DNASE1: variants seen among roughly 807,000 people sequenced by gnomAD.
DNASE1 encodes deoxyribonuclease 1.
Under a neutral mutation model 33.9 loss-of-function variants are expected in DNASE1, and 40 were observed. That is an observed-to-expected ratio of 1.18 (90% CI 0.92 to 1.54). The LOEUF (loss-of-function observed/expected upper bound fraction) is 1.54. DNASE1 is among the 40% of genes most tolerant of loss of function. The pLI, the probability that DNASE1 is intolerant of heterozygous loss-of-function variation, is 0.00. For synonymous variants in DNASE1, 216 were observed against 160.0 expected (o/e 1.35, Z -2.64); for missense variants, 518 against 372.6 (o/e 1.39, Z -3.21).
chr16:3,614,512 G>A (rs916498465), intron 1 of DNASE1, among the ~76,000 whole-genome samples: 2 of 152,182 alleles, frequency 1.3e-5, no homozygotes, highest in Non-Finnish European at 2.9e-5. Context: ...AAGTCAGGGC[G>A]GAGTAAACAT....
upstream of DNASE1, among the ~76,000 whole-genome samples, chr16:3,642,557 G>T (rs981428510): frequency 3.3e-5 from 5 of 152,070 alleles, no homozygotes; most frequent in Admixed American, 2.0e-4. Flanking sequence ...CACCTGCCAC[G>T]GCCCAGGCCC....
chr16:3,613,685 TTA>T (rs1444835076), intron 1 of DNASE1, among the ~76,000 whole-genome samples: 1 of 152,076 alleles, frequency 6.6e-6, no homozygotes, highest in Non-Finnish European at 1.5e-5. Context: ...GGACTTGAAT[TTA>T]TAGAGGAGAC....
chr16:3,633,788 A>G (rs1336670291), intron 1 of DNASE1, among the ~76,000 whole-genome samples: 1 of 151,974 alleles, frequency 6.6e-6, no homozygotes. Flanking sequence ...AATTTCACTT[A>G]TTCAAAAGCG....
At chr16:3,642,000 T>C (rs753487253), upstream of DNASE1, among the ~76,000 whole-genome samples, 1 of 152,222 alleles carries the variant, frequency 6.6e-6, no homozygotes, top group Non-Finnish European at 1.5e-5. Context: ...GGTCTGGCTA[T>C]AGCCATGGTG....
At position 3,656,973 on chromosome 16, in the gene DNASE1, C is replaced by T. The variant is rs1408560892; in HGVS notation, c.437-26C>T. ...CTGAACCTGCCCCCAGGGAGTGTGC[C>T]TCACACGACGTGGCTGTCTCCACAG... On this transcript the variant is annotated intron_variant, in intron 5 of 8. Coordinates refer to ENST00000246949, the MANE Select transcript of DNASE1 (RefSeq NM_005223.4). The T allele has an allele frequency of 3.1e-6, 5 of 1,610,188 alleles. No homozygotes were observed. The Middle Eastern group carries it at 6.6e-4, about 213-fold the overall frequency.
exon 10 of DNASE1, chr16:3,663,705 A>G (rs1567223031): frequency 1.0e-6 from 1 of 1,001,948 alleles, no homozygotes; most frequent in Admixed American, 2.7e-5. Context: ...CTAGGCCTGC[A>G]TGACAGTTAC....
intron 1 of DNASE1, among the ~76,000 whole-genome samples, chr16:3,629,999 A>G (rs1157402056): frequency 6.6e-6 from 1 of 151,522 alleles, no homozygotes; most frequent in Non-Finnish European, 1.5e-5. Flanking sequence ...TTTTTATTTT[A>G]GTGGAGATGA....
chr16:3,664,721 C>A, exon 10 of DNASE1: 2 of 436,152 alleles, frequency 4.6e-6, no homozygotes, highest in Admixed American at 8.9e-5. Context: ...ACGCGCACCA[C>A]GCCCTGGGAG....
downstream of DNASE1, chr16:3,662,202 G>A: frequency 1.3e-6 from 2 of 1,552,396 alleles, no homozygotes; most frequent in Non-Finnish European, 1.7e-6. Context: ...GATCTTACCA[G>A]GGGTGAAGGT....
chr16:3,634,552 C>A (rs1280540295), intron 1 of DNASE1, among the ~76,000 whole-genome samples: 1 of 152,008 alleles, frequency 6.6e-6, no homozygotes, highest in Non-Finnish European at 1.5e-5. Flanking sequence ...GTCTGTCGTC[C>A]AGGCTGGAAT....
intron 1 of DNASE1, among the ~76,000 whole-genome samples, chr16:3,630,241 C>T (rs903317094): frequency 1.3e-5 from 2 of 151,998 alleles, no homozygotes; most frequent in Admixed American, 6.6e-5. Flanking sequence ...AGTGCAGTTG[C>T]GTGATCACAG....
At chr16:3,658,950 T>A, downstream of DNASE1, 2 of 1,394,034 alleles carry the variant, frequency 1.4e-6, no homozygotes, top group South Asian at 2.4e-5. Flanking sequence ...TCAGGATATT[T>A]AAAGAAGCAC....
At chr16:3,663,960 G>C (rs375457960) in exon 10 of DNASE1, 13 of 347,752 alleles carry the variant, frequency 3.7e-5, no homozygotes, top group African/African-American at 6.3e-5. Context: ...CTACTCAGGA[G>C]GCTGAGGCAG....
downstream of DNASE1, chr16:3,658,273 A>T: frequency 6.8e-7 from 1 of 1,468,704 alleles, no homozygotes; most frequent in East Asian, 2.3e-5. Context: ...GGCATGGGGC[A>T]CCTTTTCATT....
intron 1 of DNASE1, among the ~76,000 whole-genome samples, chr16:3,627,715 C>T (rs1395462802): frequency 1.3e-5 from 2 of 152,048 alleles, no homozygotes; most frequent in African/African-American, 4.8e-5. Flanking sequence ...ATCATTTGAC[C>T]ATATATGCCA....
rs137906872 is a variant in DNASE1, at chr16:3,617,601, T to C, written c.-1359+5595T>C. 4.0e-3 allele frequency among the ~76,000 whole-genome samples: 610 copies of C among 152,248 alleles called. 3 individuals are homozygous for C. Among genetic ancestry groups the C allele is most frequent in the African/African-American group, 0.014 (564 of 41,522 alleles). ...TATGTCTCCCCCCACCCAATTCATA[T>C]GTGAAGGCCTCAACCGCAAGGTGAT... On this transcript the variant is annotated intron_variant and NMD_transcript_variant, in intron 1 of 11. Transcript: ENST00000570769.
chr16:3,612,601 A>G (rs916746642), intron 1 of DNASE1, among the ~76,000 whole-genome samples: 272 of 49,096 alleles, frequency 5.5e-3, no homozygotes, highest in Middle Eastern at 0.034. Context: ...CGGGGGGGGG[A>G]GTCTCACTAT....
At chr16:3,625,029 G>A (rs112326831) in intron 1 of DNASE1, among the ~76,000 whole-genome samples, 10 of 152,022 alleles carry the variant, frequency 6.6e-5, no homozygotes, top group African/African-American at 1.9e-4. Context: ...AATGGGGGCC[G>A]GGGGCAGTGG....
rs369748574 is a variant in DNASE1 at position 3,664,770 on chromosome 16, C to T, written c.*6817C>T. On this transcript the variant is annotated 3_prime_UTR_variant, in exon 10 of 10. Transcript: ENST00000407479. ...ACAGCAGAGCCCGGCCTGGACCCAG[C>T]GTCTTCCCTCTGCCCTCAGTGACAG... The T allele has an allele frequency of 6.2e-4, 201 of 322,886 alleles. 6 individuals carry two copies. The South Asian group carries it at 7.3e-3, about 12-fold the overall frequency. The allele number at this position is 322,886 out of a possible 1,614,324, so 20.0% of individuals were successfully genotyped here.
Sources: gnomAD v4.1 joint callset for allele counts (sites outside exome capture counted in the v4.1 genomes callset) on GRCh38, gnomAD v4.1.1 for gene constraint, MANE v1.5 for transcripts, NCBI Gene and HGNC (gene_info 2026-07-23, HGNC 2026-07-21) for gene names.